Variants in PLXNA4 observed in about 807,000 individuals in gnomAD.
PLXNA4 encodes plexin-A4.
PLXNA4 carries 44 observed loss-of-function variants against 191.8 expected under a neutral mutation model. That is an observed-to-expected ratio of 0.23 (90% CI 0.18 to 0.29). The LOEUF is 0.29. Among genes scored for constraint, PLXNA4 ranks in the 10% least tolerant of loss-of-function variants. The pLI is 1.00. For synonymous variants in PLXNA4, 1,082 were observed against 1,009.5 expected, an observed-to-expected ratio of 1.07 and a Z score of -1.36; for missense variants, 1,800 against 2,488.8, an observed-to-expected ratio of 0.72 and a Z score of 5.89.
At chr7:132,349,386 G>A (rs756980629) in intron 3 of PLXNA4, among the ~76,000 whole-genome samples, 4 of 152,132 alleles carry the variant, frequency 2.6e-5, no homozygotes, top group South Asian at 2.1e-4. Flanking sequence ...TGGTGGGGTC[G>A]GAGGAGTGGC....
intron 4 of PLXNA4, among the ~76,000 whole-genome samples, chr7:132,267,047 C>T (rs1364511): frequency 1 from 151,653 of 152,358 alleles, 75,477 homozygotes; most frequent in East Asian, 1. Context: ...TTGTGAAGGG[C>T]GGGAATTCCT....
At chr7:132,487,846 G>A (rs564666358) in intron 3 of PLXNA4, among the ~76,000 whole-genome samples, 4 of 152,326 alleles carry the variant, frequency 2.6e-5, no homozygotes, top group African/African-American at 4.8e-5. Context: ...CAAAAATCAC[G>A]AGGAGTCTGA....
intron 2 of PLXNA4, among the ~76,000 whole-genome samples, chr7:132,585,860 C>A (rs553673172): frequency 6.6e-6 from 1 of 152,284 alleles, no homozygotes; most frequent in Admixed American, 6.5e-5. Context: ...AATTACCTCC[C>A]AAAGGCCCCA....
chr7:132,618,468 A>G (rs1191149223), intron 2 of PLXNA4, among the ~76,000 whole-genome samples: 1 of 152,248 alleles, frequency 6.6e-6, no homozygotes, highest in Non-Finnish European at 1.5e-5. Flanking sequence ...TGTGTTGACC[A>G]AGTGAACTAT....
chr7:132,562,954 TCTCCCTCCTCCTCC>T (rs1801332346), intron 1 of PLXNA4, among the ~76,000 whole-genome samples: 1 of 34,746 alleles, frequency 2.9e-5, no homozygotes, highest in Non-Finnish European at 7.5e-5. Flanking sequence ...CTCCTCCTCC[TCTCCCTCCTCCTCC>T]TCTCCCTCCT....
At chr7:132,569,574 T>A (rs1297338355) in intron 1 of PLXNA4, among the ~76,000 whole-genome samples, 2 of 152,280 alleles carry the variant, frequency 1.3e-5, no homozygotes, top group Non-Finnish European at 2.9e-5. Flanking sequence ...CGATCTAGAC[T>A]AACCTCCTCA....
At chr7:132,469,361 A>C (rs1585181112) in intron 3 of PLXNA4, among the ~76,000 whole-genome samples, 1 of 152,278 alleles carries the variant, frequency 6.6e-6, no homozygotes, top group East Asian at 1.9e-4. Flanking sequence ...TTGATAGCAC[A>C]AAGTTCACCA....
At chr7:132,148,971 A>G (rs750183909) in intron 25 of PLXNA4, among the ~76,000 whole-genome samples, 3 of 152,230 alleles carry the variant, frequency 2.0e-5, no homozygotes, top group Non-Finnish European at 2.9e-5. Flanking sequence ...GAGGCACATA[A>G]TAAAACACTA....
At chr7:132,335,798 T>G (rs755846587) in intron 3 of PLXNA4, among the ~76,000 whole-genome samples, 3 of 152,146 alleles carry the variant, frequency 2.0e-5, no homozygotes, top group Non-Finnish European at 4.4e-5. Flanking sequence ...AATGAAGAAC[T>G]AAAGCTAACC....
Position 132,618,534 on chromosome 7 carries a change from C to T in PLXNA4, c.-87+27394G>A, listed in dbSNP as rs1002895651. On this transcript the variant is annotated intron_variant, in intron 2 of 4. Coordinates refer to the PLXNA4 transcript ENST00000378539. ...TAATTAACCTCTGACTGTTCTCTGC[C>T]TTTCACTCCCTGCTTCCCTCCAGTT... Among the ~76,000 whole-genome samples, 7 of 152,206 alleles carry T rather than the reference C, an allele frequency of 4.6e-5. No individual in the cohort carries two copies. In the East Asian group the frequency reaches 5.8e-4, roughly 13 times the overall value.
intron 3 of PLXNA4, chr7:132,485,140 A>G: frequency 1.5e-6 from 2 of 1,361,700 alleles, no homozygotes; most frequent in Non-Finnish European, 9.8e-7. Flanking sequence ...TTGCCTCTTC[A>G]TGGGAATGTG....
At position 132,147,255 on chromosome 7, in the gene PLXNA4, C is replaced by T. The variant is rs571137890; in HGVS notation, c.4865-555G>A. On this transcript the variant is annotated intron_variant, in intron 27 of 31. Transcript: ENST00000321063. ...AGTACTGAGCAGGAAAAAGAAATGG[C>T]GGTCCTACTGTGTGCAGGCACTATT... Among the ~76,000 whole-genome samples the T allele has an allele frequency of 1.1e-4, 17 of 152,320 alleles. No homozygotes were observed. In the South Asian group the frequency reaches 3.3e-3, roughly 30 times the overall value.
chr7:132,237,307 C>A (rs1385381896), intron 5 of PLXNA4, among the ~76,000 whole-genome samples: 1 of 152,210 alleles, frequency 6.6e-6, no homozygotes, highest in South Asian at 2.1e-4. Context: ...ACTCATTATG[C>A]CTCAGACTGC....
intron 3 of PLXNA4, among the ~76,000 whole-genome samples, chr7:132,305,748 G>C (rs992514617): frequency 6.6e-6 from 1 of 152,122 alleles, no homozygotes; most frequent in Non-Finnish European, 1.5e-5. Flanking sequence ...GCAGATGCTT[G>C]CACTAGAGCA....
rs1260402214 is a variant in PLXNA4 at position 132,145,111 on chromosome 7, T to C, written c.5225+8A>G. 2 of 1,613,878 alleles carry C rather than the reference T, an allele frequency of 1.2e-6. No individual in the cohort carries two copies. The highest frequency in any genetic ancestry group is 4.5e-5 in the East Asian group (2 of 44,872). Reference sequence around the variant, plus strand: ...TCCCGATGTGCCCCCTGCCCTCCCTTCACTCACCAATTGCTCTTCCAGGTA... The same window carrying C: ...TCCCGATGTGCCCCCTGCCCTCCCTCCACTCACCAATTGCTCTTCCAGGTA... On this transcript the variant is annotated splice_region_variant and intron_variant, in intron 29 of 31. Transcript: ENST00000321063.
At chr7:132,165,269 G>A in intron 22 of PLXNA4, 69 bp from the exon 23 acceptor site, 1 of 1,561,726 alleles carries the variant, frequency 6.4e-7, no homozygotes, top group Non-Finnish European at 8.7e-7. Flanking sequence ...GAGCCCGTGG[G>A]CTGGGAAGGG....
At chr7:132,594,076 G>C (rs1030275277) in intron 2 of PLXNA4, among the ~76,000 whole-genome samples, 1 of 152,214 alleles carries the variant, frequency 6.6e-6, no homozygotes, top group African/African-American at 2.4e-5. Context: ...GTTGAATTGT[G>C]TCCCCCGCAA....
At chr7:132,511,073 G>C (rs1370254218) in intron 1 of PLXNA4, among the ~76,000 whole-genome samples, 2 of 152,192 alleles carry the variant, frequency 1.3e-5, no homozygotes, top group Non-Finnish European at 2.9e-5. Context: ...CCACAGGGCA[G>C]GGCTGGGTCT....
intron 5 of PLXNA4, among the ~76,000 whole-genome samples, chr7:132,234,190 G>T (rs1798617715): frequency 6.6e-6 from 1 of 152,170 alleles, no homozygotes; most frequent in Non-Finnish European, 1.5e-5. Flanking sequence ...CGGTAACAAG[G>T]AGAATGCTGC....
Sources: allele counts gnomAD v4.1 joint callset (sites outside exome capture counted in the v4.1 genomes callset), GRCh38; gene constraint gnomAD v4.1.1; transcripts MANE v1.5; gene names NCBI Gene and HGNC (gene_info 2026-07-23, HGNC 2026-07-21).